The following DYM variants were observed in gnomAD, a reference collection of about 807,000 sequenced individuals.
DYM encodes dymeclin.
Under a neutral mutation model 93.1 loss-of-function variants are expected in DYM, and 78 were observed. The ratio of observed to expected loss-of-function variants is 0.84; its 90% CI spans 0.70 to 1.01. The LOEUF is 1.01. DYM is among the 50% of genes least tolerant of loss of function. DYM has a pLI of 0.00. For synonymous variants in DYM, 321 were observed against 319.7 expected, an observed-to-expected ratio of 1.00 and a Z score of -0.04; for missense variants, 789 against 845.0, an observed-to-expected ratio of 0.93 and a Z score of 0.82.
chr18:49,132,417 A>G (rs1043898857), intron 15 of DYM, among the ~76,000 whole-genome samples: 1 of 152,118 alleles, frequency 6.6e-6, no homozygotes, highest in Non-Finnish European at 1.5e-5. Context: ...CCTAAGATCA[A>G]ATAAAAAATG....
chr18:49,278,046 T>C (rs1027562821), intron 10 of DYM, among the ~76,000 whole-genome samples: 79 of 152,274 alleles, frequency 5.2e-4, no homozygotes, highest in African/African-American at 1.8e-3. Context: ...AGGCAAAGAA[T>C]GTAGCTTTCA....
chr18:49,135,613 T>C (rs1309113044), intron 15 of DYM, among the ~76,000 whole-genome samples: 5 of 152,320 alleles, frequency 3.3e-5, no homozygotes, highest in Non-Finnish European at 5.9e-5. Context: ...GGTACAGATG[T>C]ATTTAGGAGG....
intron 16 of DYM, among the ~76,000 whole-genome samples, chr18:49,109,291 A>G (rs1039251105): frequency 2.0e-5 from 3 of 152,084 alleles, no homozygotes; most frequent in Non-Finnish European, 4.4e-5. Context: ...TTGTTCCACT[A>G]TTATTTATTC....
Position 49,044,144 on chromosome 18 carries a change from G to C in DYM, c.2086C>G (p.Pro696Ala). The change falls in exon 18 of 18, where the codon CCC (proline) becomes GCC (alanine). Residue 696 changes from proline (P) to alanine (A), a missense_variant. Physicochemically the swap from Pro to Ala is conservative, Grantham distance 27. Coordinates refer to ENST00000675505, the MANE Select transcript of DYM (RefSeq NM_001353214.3). ...EEEQPEEFFI[P>A]YVWSLVYNSA... Reference sequence around the variant, plus strand: ...TTGTAGACAAGAGACCAGACATAGGGGATAAAAAACTCCTCGGGCTGCTCC... The same window carrying C: ...TTGTAGACAAGAGACCAGACATAGGCGATAAAAAACTCCTCGGGCTGCTCC... 1 of 1,613,984 alleles carries C rather than the reference G, an allele frequency of 6.2e-7. No homozygotes were observed. The highest frequency in any genetic ancestry group is 1.1e-5 in the South Asian group (1 of 91,084).
chr18:49,316,723 C>T (rs1166027649), intron 8 of DYM, among the ~76,000 whole-genome samples: 3 of 152,102 alleles, frequency 2.0e-5, no homozygotes, highest in Non-Finnish European at 4.4e-5. Context: ...TCTTCTCCTC[C>T]CCCTGAACCC....
intron 14 of DYM, among the ~76,000 whole-genome samples, chr18:49,187,315 A>G (rs189382422): frequency 6.6e-6 from 1 of 152,148 alleles, no homozygotes; most frequent in East Asian, 1.9e-4. Flanking sequence ...AACACCTACA[A>G]CTTGCCCAAT....
intron 15 of DYM, among the ~76,000 whole-genome samples, chr18:49,127,545 A>C (rs1387605496): frequency 6.6e-6 from 1 of 152,188 alleles, no homozygotes; most frequent in African/African-American, 2.4e-5. Context: ...AATTTCCTGC[A>C]TTTTCAGCAG....
chr18:49,350,868 C>T (rs1392169188), intron 6 of DYM, among the ~76,000 whole-genome samples: 3 of 151,864 alleles, frequency 2.0e-5, no homozygotes, highest in Admixed American at 2.0e-4. Flanking sequence ...TTTCCATGCA[C>T]ACATATTACC....
intron 17 of DYM, among the ~76,000 whole-genome samples, chr18:49,061,996 C>T (rs1352483205): frequency 6.6e-6 from 1 of 152,206 alleles, no homozygotes; most frequent in East Asian, 1.9e-4. Flanking sequence ...GCCAGTTTGC[C>T]TCTGGGAAAG....
intron 2 of DYM, among the ~76,000 whole-genome samples, chr18:49,428,816 C>A (rs1337803384): frequency 6.6e-6 from 1 of 152,160 alleles, no homozygotes; most frequent in African/African-American, 2.4e-5. Context: ...TTACACAATT[C>A]TGTGAATAAA....
chr18:49,260,458 T>G (rs188714977), intron 11 of DYM, among the ~76,000 whole-genome samples: 1 of 152,126 alleles, frequency 6.6e-6, no homozygotes, highest in Admixed American at 6.6e-5. Flanking sequence ...GCAGACGTCA[T>G]AGCCACTTAA....
intron 5 of DYM, among the ~76,000 whole-genome samples, chr18:49,367,817 G>A (rs1319114772): frequency 6.6e-6 from 1 of 152,046 alleles, no homozygotes; most frequent in Non-Finnish European, 1.5e-5. Flanking sequence ...TCCAAAAATA[G>A]GTTAAAAGAG....
chr18:49,384,890 C>T (rs567349995), intron 3 of DYM, among the ~76,000 whole-genome samples: 15 of 148,924 alleles, frequency 1.0e-4, no homozygotes, highest in African/African-American at 3.7e-4. Flanking sequence ...GGAGAAGAAA[C>T]TAAAACACAA....
At chr18:49,357,222 T>C (rs1228839634) in intron 6 of DYM, among the ~76,000 whole-genome samples, 1 of 152,226 alleles carries the variant, frequency 6.6e-6, no homozygotes, top group Non-Finnish European at 1.5e-5. Context: ...TTTTTGTCTA[T>C]CTACCTCTAA....
intron 15 of DYM, among the ~76,000 whole-genome samples, chr18:49,148,767 C>T (rs2085458316): frequency 6.6e-6 from 1 of 152,120 alleles, no homozygotes; most frequent in African/African-American, 2.4e-5. Context: ...TCCTTTCCAG[C>T]CCCATTACCT....
At chr18:49,431,519 T>C (rs1335361860) in intron 1 of DYM, among the ~76,000 whole-genome samples, 1 of 152,238 alleles carries the variant, frequency 6.6e-6, no homozygotes, top group African/African-American at 2.4e-5. Flanking sequence ...ACTGTCTCCC[T>C]TAAATCACAC....
At chr18:49,044,860 C>T (rs533445646) in intron 17 of DYM, among the ~76,000 whole-genome samples, 1 of 152,398 alleles carries the variant, frequency 6.6e-6, no homozygotes, top group Admixed American at 6.5e-5. Context: ...GCTCTACAAA[C>T]ACATCGCAGG....
rs974581038 is a variant in DYM, at chr18:49,042,303, A to T, written c.*1752T>A. On this transcript the variant is annotated 3_prime_UTR_variant, in exon 18 of 18. Transcript: ENST00000675505. ...TGGGGACAGGAGGCAAGCTGCACTC[A>T]CCTCTGGGACCCCACCCGGGATGGG... The T allele has an allele frequency of 6.6e-6, 1 of 152,524 alleles. No homozygotes were observed. Among genetic ancestry groups the T allele is most frequent in the Non-Finnish European group, 1.5e-5 (1 of 68,100 alleles). 9.4% of individuals were successfully genotyped at this position (152,524 alleles called of 1,614,324 possible). A position where few individuals can be genotyped will look rare whatever the true frequency, so the allele number is the denominator to read the frequency against.
intron 1 of DYM, among the ~76,000 whole-genome samples, chr18:49,442,468 C>T (rs1396536305): frequency 6.6e-6 from 1 of 151,922 alleles, no homozygotes; most frequent in African/African-American, 2.4e-5. Context: ...AGAGGATTGC[C>T]TGAGCCTGAG....
Sources: gnomAD v4.1 joint callset for allele counts (sites outside exome capture counted in the v4.1 genomes callset) on GRCh38, gnomAD v4.1.1 for gene constraint, MANE v1.5 for transcripts, NCBI Gene and HGNC (gene_info 2026-07-23, HGNC 2026-07-21) for gene names.